The following ATAD2B variants were observed in gnomAD, a reference collection of about 807,000 sequenced individuals.
ATAD2B encodes the protein ATPase family AAA domain containing 2B.
In ATAD2B, 40 loss-of-function variants were observed where a neutral mutation model predicts 167.6. The ratio of observed to expected loss-of-function variants is 0.24; its 90% CI spans 0.19 to 0.31. ATAD2B has a LOEUF of 0.31. ATAD2B is among the 10% of genes least tolerant of loss of function. ATAD2B has a pLI of 1.00. For missense variants in ATAD2B, 1,242 were observed against 1,757.2 expected (o/e 0.71, Z 5.24); for synonymous variants, 579 against 596.5 (o/e 0.97, Z 0.43).
chr2:23,831,683 G>A (rs907274325), intron 14 of ATAD2B, among the ~76,000 whole-genome samples: 6 of 152,122 alleles, frequency 3.9e-5, no homozygotes, highest in African/African-American at 1.4e-4. Context: ...CAGCATGTGT[G>A]CCAACAATAT....
the ATAD2B span, chr2:23,691,284 C>T: frequency 3.7e-6 from 1 of 268,812 alleles, no homozygotes. Flanking sequence ...GAATCTGCCA[C>T]CCAAGGCAGG....
chr2:23,834,109 G>A (rs752103143), intron 13 of ATAD2B, 31 bp from the exon 14 acceptor site: 5 of 938,794 alleles, frequency 5.3e-6, no homozygotes, highest in Non-Finnish European at 7.3e-6. Flanking sequence ...AAAATTAAAA[G>A]AATTGTAAAC....
Position 23,757,929 on chromosome 2 carries a change from G to A in ATAD2B, c.3567C>T (p.Asp1189=). ...TCTCTTCTCCATTTTCCTCATGGCA[G>A]TCAGTGCTTACCTCAAACTCTCCAT... The part of the protein sequence containing the change: ...LENGEFEVST[D]CHEENGEETG... Residue 1189 remains aspartate (D), a synonymous_variant, in exon 25 of 28, where the codon GAC becomes GAT. Transcript: ENST00000238789. 1 of 1,612,196 alleles carries A rather than the reference G, an allele frequency of 6.2e-7. No homozygotes were observed. The highest frequency in any genetic ancestry group is 1.1e-5 in the South Asian group (1 of 90,622).
Position 23,819,751 on chromosome 2 carries a change from T to C in ATAD2B, c.2263A>G (p.Thr755Ala), listed in dbSNP as rs866717360. Residue 755 changes from threonine to alanine, a missense_variant, in exon 17 of 28, where the codon ACA becomes GCA. By Grantham distance (58) the Thr-to-Ala change is moderately conservative. Coordinates refer to ENST00000238789, the MANE Select transcript of ATAD2B (RefSeq NM_017552.4). ...AAGTTGATATAAATCACTCACATTG[T>C]AAAATGAAGGTAGGGTTTATGTATA... ...AAIHKPYLHF[T>A]MSPYHQPTSY... 1 of 1,596,948 alleles carries C rather than the reference T, an allele frequency of 6.3e-7. No individual in the cohort carries two copies. The highest frequency in any genetic ancestry group is 8.5e-7 in the Non-Finnish European group (1 of 1,172,310).
intron 6 of ATAD2B, among the ~76,000 whole-genome samples, chr2:23,882,371 T>C (rs1698044576): frequency 6.6e-6 from 1 of 151,750 alleles, no homozygotes; most frequent in African/African-American, 2.4e-5. Context: ...AATTTTTGTA[T>C]TGTTGGTAGA....
intron 12 of ATAD2B, among the ~76,000 whole-genome samples, chr2:23,859,601 T>C (rs1433898084): frequency 6.6e-6 from 1 of 152,176 alleles, no homozygotes; most frequent in Non-Finnish European, 1.5e-5. Flanking sequence ...TCATTTATCT[T>C]TTGAATTAGT....
At chr2:23,738,599 C>T in the ATAD2B span, among the ~76,000 whole-genome samples, 1 of 152,274 alleles carries the variant, frequency 6.6e-6, no homozygotes, top group East Asian at 1.9e-4. Flanking sequence ...AAAAACATGC[C>T]AAATTGTAAA....
In ATAD2B at chr2:23,831,211, T is replaced by A. The variant is rs544342816; in HGVS notation, c.1729-2272A>T. 2.0e-5 allele frequency among the ~76,000 whole-genome samples: 3 copies of A among 152,306 alleles called. No homozygotes were observed. In the East Asian group the frequency reaches 5.8e-4, roughly 29 times the overall value. On this transcript the variant is annotated intron_variant, in intron 14 of 27. Transcript: ENST00000238789. The stretch of plus-strand genomic sequence containing the variant: ...AAAGGCAAATTCAAGCTCCTCATTT[T>A]TCAGAATCCACAAGTACACATACAA...
chr2:23,739,940 A>G, the ATAD2B span, among the ~76,000 whole-genome samples: 5 of 152,246 alleles, frequency 3.3e-5, no homozygotes, highest in African/African-American at 9.6e-5. Context: ...CAAATAAACT[A>G]GAAAATCTAG....
intron 17 of ATAD2B, among the ~76,000 whole-genome samples, chr2:23,815,182 T>C (rs376605817): frequency 3.3e-5 from 5 of 151,944 alleles, no homozygotes; most frequent in Non-Finnish European, 5.9e-5. Flanking sequence ...ATTGTCAGTA[T>C]GGGAAAGGGT....
chr2:23,898,561 T>C (rs1700409168), intron 1 of ATAD2B, among the ~76,000 whole-genome samples: 1 of 152,224 alleles, frequency 6.6e-6, no homozygotes, highest in Non-Finnish European at 1.5e-5. Context: ...TCAACCACCT[T>C]GGGCACATGT....
At chr2:23,829,015 A>C in intron 14 of ATAD2B, 76 bp from the exon 15 acceptor site, 3 of 966,598 alleles carry the variant, frequency 3.1e-6, no homozygotes, top group Non-Finnish European at 4.7e-6. Context: ...AATCCCTCAA[A>C]TACGTTAGGT....
the ATAD2B span, among the ~76,000 whole-genome samples, chr2:23,729,178 G>A: frequency 1.3e-5 from 2 of 152,272 alleles, no homozygotes; most frequent in South Asian, 2.1e-4. Flanking sequence ...ATGAGATTTG[G>A]GTGGGGACAC....
chr2:23,771,951 C>T (rs1678386948), intron 22 of ATAD2B, among the ~76,000 whole-genome samples: 1 of 152,142 alleles, frequency 6.6e-6, no homozygotes, highest in Admixed American at 6.6e-5. Flanking sequence ...GGTCTGGCTC[C>T]CCAGTTCAGA....
At chr2:23,786,305 A>G in intron 20 of ATAD2B, 82 bp from the exon 21 acceptor site, 1 of 1,136,196 alleles carries the variant, frequency 8.8e-7, no homozygotes, top group South Asian at 1.6e-5. Context: ...AATGTTCTTT[A>G]AAGAAAAGAA....
Position 23,926,767 on chromosome 2 carries a change from C to A in ATAD2B, c.4G>T (p.Val2Leu). Residue 2 changes from valine (V) to leucine (L), a missense_variant, in exon 1 of 28, where the codon GTG becomes TTG. Val to Leu is a conservative substitution (Grantham distance 32). Around this residue, in one of 9 missense-constraint regions of ATAD2B, gnomAD observed 199 missense variants for 194.9 expected, o/e 1.02. Coordinates refer to ENST00000238789, the MANE Select transcript of ATAD2B (RefSeq NM_017552.4). M[V>L]NTRKSSLRLL... ...CGGAGAGAGCTCTTCCGGGTGTTCA[C>A]CATGGTCCAGCCAGGGGGACGGAGT... The A allele has an allele frequency of 6.5e-7, 1 of 1,539,180 alleles. No individual in the cohort carries two copies. The highest frequency in any genetic ancestry group is 8.8e-7 in the Non-Finnish European group (1 of 1,141,834).
At chr2:23,910,110 A>G (rs112313489) in intron 1 of ATAD2B, among the ~76,000 whole-genome samples, 18,216 of 151,184 alleles carry the variant, frequency 0.12, 1,191 homozygotes, top group Middle Eastern at 0.21. Flanking sequence ...GTGATCCTCC[A>G]ACCTTGGCCT....
At chr2:23,709,493 G>A in the ATAD2B span, among the ~76,000 whole-genome samples, 1 of 152,222 alleles carries the variant, frequency 6.6e-6, no homozygotes, top group African/African-American at 2.4e-5. Flanking sequence ...AAGGTAGAGC[G>A]CCAGATGGGA....
At chr2:23,781,417 C>A (rs1443968168) in intron 22 of ATAD2B, among the ~76,000 whole-genome samples, 2 of 152,076 alleles carry the variant, frequency 1.3e-5, no homozygotes, top group African/African-American at 4.8e-5. Context: ...GTAATCCCAG[C>A]ACTTTGGGAG....
Sources: allele counts gnomAD v4.1 joint callset (sites outside exome capture counted in the v4.1 genomes callset), GRCh38; gene constraint gnomAD v4.1.1; regional missense constraint gnomAD v4.1.1; transcripts MANE v1.5; gene names NCBI Gene and HGNC (gene_info 2026-07-23, HGNC 2026-07-21).